KANSL1: variants seen among roughly 807,000 people sequenced by gnomAD.
The protein encoded by KANSL1 is MLL1/MLL complex subunit KANSL1.
KANSL1 carries 22 observed loss-of-function variants against 103.6 expected under a neutral mutation model. The observed-to-expected ratio is 0.21, with a 90% CI of 0.15 to 0.30. The LOEUF (loss-of-function observed/expected upper bound fraction) is 0.30. KANSL1 is among the 10% of genes least tolerant of loss of function. The pLI is 1.00. For synonymous variants in KANSL1, 600 were observed against 527.6 expected (o/e 1.14, Z -1.88); for missense variants, 1,337 against 1,399.8 (o/e 0.96, Z 0.72).
At chr17:46,036,272 G>A (rs2077146358) in intron 10 of KANSL1, among the ~76,000 whole-genome samples, 1 of 152,192 alleles carries the variant, frequency 6.6e-6, no homozygotes, top group Non-Finnish European at 1.5e-5. Flanking sequence ...AGGTGATTCT[G>A]ATGCAGCTAC....
intron 1 of KANSL1, among the ~76,000 whole-genome samples, chr17:46,172,864 AG>A (rs1277929431): frequency 2.0e-5 from 3 of 152,244 alleles, no homozygotes; most frequent in Admixed American, 6.5e-5. Flanking sequence ...CTCTCAGCCT[AG>A]GAATTTACTC....
chr17:46,130,636 C>T (rs556674109), intron 2 of KANSL1, among the ~76,000 whole-genome samples: 1 of 152,338 alleles, frequency 6.6e-6, no homozygotes, highest in African/African-American at 2.4e-5. Flanking sequence ...CCGAACACTA[C>T]AATAGCAACA....
At chr17:46,152,990 C>G (rs920797415) in intron 2 of KANSL1, 7 of 152,222 alleles carry the variant, frequency 4.6e-5, no homozygotes, top group African/African-American at 1.2e-4. Flanking sequence ...AGCACCAGGT[C>G]ATGAGCACAT....
intron 2 of KANSL1, among the ~76,000 whole-genome samples, chr17:46,154,500 C>T (rs1388502735): frequency 1.3e-5 from 2 of 152,144 alleles, no homozygotes; most frequent in African/African-American, 2.4e-5. Context: ...AGGCTGGTCT[C>T]GAACTCCTTG....
intron 7 of KANSL1, chr17:46,043,364 T>C (rs1478056937): frequency 6.6e-6 from 1 of 151,708 alleles, no homozygotes; most frequent in African/African-American, 2.4e-5. Flanking sequence ...CAGCAATGAC[T>C]AGAAACAAGT....
intron 4 of KANSL1, among the ~76,000 whole-genome samples, chr17:46,069,048 C>T (rs764711151): frequency 6.6e-6 from 1 of 152,182 alleles, no homozygotes; most frequent in Non-Finnish European, 1.5e-5. Context: ...GCTTTGGCCT[C>T]CTGAGTAGCT....
At chr17:46,216,208 G>T (rs1010967785) in intron 1 of KANSL1, among the ~76,000 whole-genome samples, 1 of 152,190 alleles carries the variant, frequency 6.6e-6, no homozygotes, top group Non-Finnish European at 1.5e-5. Flanking sequence ...TGAGGCACAA[G>T]TTTATCTAAG....
intron 6 of KANSL1, among the ~76,000 whole-genome samples, chr17:46,051,553 G>C (rs1012854170): frequency 5.3e-5 from 8 of 152,302 alleles, no homozygotes; most frequent in Middle Eastern, 3.4e-3. Context: ...GCAAATTTCA[G>C]GTCATGCTGA....
upstream of KANSL1, chr17:46,194,000 C>T (rs973254958): frequency 6.4e-6 from 1 of 155,296 alleles, no homozygotes; most frequent in African/African-American, 2.4e-5. Flanking sequence ...CCGTATACTG[C>T]AGCACGGCTG....
chr17:46,171,513 G>C lies in KANSL1; in HGVS notation c.631C>G (p.Pro211Ala), dbSNP rs745305837. The change falls in exon 2 of 15, where the codon CCA (proline) becomes GCA (alanine). Residue 211 changes from proline to alanine, a missense_variant. Pro to Ala is a conservative substitution (Grantham distance 27). Coordinates refer to ENST00000432791, the MANE Select transcript of KANSL1 (RefSeq NM_015443.4). ...TGTTCTACATCAAGGCTTCTATGTG[G>C]AAGAGTGCAATTGGTCATACCCCCC... is the stretch of plus-strand genomic sequence containing the variant. ...LKGGMTNCTL[P>A]HRSLDVEHTT... 13 of 1,613,924 alleles carry C rather than the reference G, an allele frequency of 8.1e-6. No homozygotes were observed. The East Asian group carries it at 2.5e-4, about 30-fold the overall frequency.
intron 7 of KANSL1, chr17:46,041,887 T>TATGTGA (rs2077332162): frequency 7.2e-6 from 1 of 138,750 alleles, no homozygotes; most frequent in African/African-American, 2.8e-5. Context: ...TTTGTGTGTG[T>TATGTGA]GTGTGTGTGT....
chr17:46,053,286 AAAAAATTT>A (rs1220752816), intron 6 of KANSL1, among the ~76,000 whole-genome samples: 7 of 152,050 alleles, frequency 4.6e-5, no homozygotes, highest in Non-Finnish European at 8.8e-5. Context: ...TCCGTCTCCA[AAAAAATTT>A]AAAAATTTAA....
In KANSL1 at chr17:46,096,302, C is replaced by CTTTTTT. The variant is rs1273083741; in HGVS notation, c.1290-1607_1290-1602dup. On this transcript the variant is annotated intron_variant, in intron 2 of 14. Coordinates refer to ENST00000432791, the MANE Select transcript of KANSL1 (RefSeq NM_015443.4). ...GATCAGGAGCATACTACATACCTGG[C>CTTTTTT]TTTTTTTTCTTTTTTTTTTTTTTTT... Among the ~76,000 whole-genome samples, 8 of 82,586 alleles carry CTTTTTT rather than the reference C, an allele frequency of 9.7e-5. No individual in the cohort carries two copies. In the East Asian group the frequency reaches 1.8e-3, roughly 18 times the overall value. The allele number at this position is 82,586 out of a possible 152,430, so 54.2% of individuals were successfully genotyped here.
At chr17:46,096,673 C>CA in intron 2 of KANSL1, among the ~76,000 whole-genome samples, 1 of 151,198 alleles carries the variant, frequency 6.6e-6, no homozygotes, top group East Asian at 2.0e-4. Context: ...GGCTGGAGTC[C>CA]AGTGGCATGA....
At chr17:46,139,311 A>AAG (rs4061092) in intron 2 of KANSL1, among the ~76,000 whole-genome samples, 1 of 151,926 alleles carries the variant, frequency 6.6e-6, no homozygotes, top group East Asian at 1.9e-4. Flanking sequence ...AAAAAAAAAA[A>AAG]GTATATAATG....
intron 6 of KANSL1, among the ~76,000 whole-genome samples, chr17:46,058,366 T>C (rs1335401544): frequency 6.6e-6 from 1 of 152,224 alleles, no homozygotes; most frequent in Non-Finnish European, 1.5e-5. Context: ...CTGCTTTAGT[T>C]GTGGAGCTAG....
In KANSL1 at chr17:46,039,228, A is replaced by C; in HGVS notation, c.2204-13T>G. The C allele has an allele frequency of 6.5e-7, 1 of 1,547,768 alleles. No homozygotes were observed. Among genetic ancestry groups the C allele is most frequent in the South Asian group, 1.2e-5 (1 of 81,704 alleles). ...TGATGGGACAGCTCTGAAGAGGGGA[A>C]CAGAAAAAGAGCTGTGAAATATGTC... On this transcript the variant is annotated splice_polypyrimidine_tract_variant and intron_variant, in intron 8 of 14. Transcript: ENST00000432791.
At chr17:46,058,743 ACT>A (rs756932556) in intron 6 of KANSL1, among the ~76,000 whole-genome samples, 855 of 67,896 alleles carry the variant, frequency 0.013, 3 homozygotes, top group Middle Eastern at 0.03. Flanking sequence ...ACACACACAC[ACT>A]CTCTCTCTCT....
chr17:46,133,162 C>G (rs2043951418), intron 2 of KANSL1, among the ~76,000 whole-genome samples: 1 of 152,154 alleles, frequency 6.6e-6, no homozygotes, highest in South Asian at 2.1e-4. Context: ...AGTAATTTGT[C>G]AAAGGCGGCT....
Sources: gnomAD v4.1 joint callset for allele counts (sites outside exome capture counted in the v4.1 genomes callset) on GRCh38, gnomAD v4.1.1 for gene constraint, MANE v1.5 for transcripts, NCBI Gene and HGNC (gene_info 2026-07-23, HGNC 2026-07-21) for gene names.